Variants in INSL5 observed in about 807,000 individuals in gnomAD.
INSL5 encodes the protein insulin-like peptide INSL5.
A neutral mutation model predicts 4.3 loss-of-function variants in INSL5; 3 were observed. The ratio of observed to expected loss-of-function variants is 0.70; its 90% confidence interval spans 0.32 to 1.82. The LOEUF is 1.82. Ranked by LOEUF, INSL5 falls within the 40% of genes most tolerant of loss-of-function variation. The pLI is 0.08. For synonymous variants in INSL5, 68 were observed against 56.6 expected (o/e 1.20, Z -0.90); for missense variants, 168 against 160.9 (o/e 1.04, Z -0.24).
rs372387127 is a variant in INSL5, at chr1:66,798,004, G to A, written c.*9C>T. ...AAGCTCTGCCACCCATTGGGTATTTGCTCTTGTCTTAGCAAAGAGCACTCA... is the reference window on the plus strand; with the variant it reads ...AAGCTCTGCCACCCATTGGGTATTTACTCTTGTCTTAGCAAAGAGCACTCA... On this transcript the variant is annotated 3_prime_UTR_variant, in exon 2 of 2. Transcript: ENST00000304526. The A allele has an allele frequency of 3.8e-6, 6 of 1,586,842 alleles. No homozygotes were observed. Among genetic ancestry groups the A allele is most frequent in the African/African-American group, 1.3e-5 (1 of 74,360 alleles).
chr1:66,800,785 G>A (rs1645370296), intron 1 of INSL5, among the ~76,000 whole-genome samples: 1 of 152,154 alleles, frequency 6.6e-6, no homozygotes, highest in East Asian at 1.9e-4. Flanking sequence ...CAGATGCTGA[G>A]CCCATTGAAG....
intron 1 of INSL5, among the ~76,000 whole-genome samples, chr1:66,800,749 C>T (rs889608448): frequency 6.6e-6 from 1 of 152,122 alleles, no homozygotes; most frequent in African/African-American, 2.4e-5. Flanking sequence ...TCACATGCTT[C>T]GCCATAGCCT....
intron 1 of INSL5, among the ~76,000 whole-genome samples, chr1:66,799,885 C>T (rs980051855): frequency 6.6e-6 from 1 of 152,048 alleles, no homozygotes; most frequent in African/African-American, 2.4e-5. Context: ...CCCACCTCTA[C>T]AAAATATTTA....
In INSL5 at chr1:66,801,192, T is replaced by C. The variant is rs1276618160; in HGVS notation, c.30A>G (p.Leu10=). The C allele has an allele frequency of 1.2e-6, 2 of 1,613,438 alleles. No homozygotes were observed. Among genetic ancestry groups the C allele is most frequent in the East Asian group, 2.2e-5 (1 of 44,868 alleles). Residue 10 remains leucine, a synonymous_variant, in exon 1 of 2, where the codon TTA becomes TTG. Coordinates refer to ENST00000304526, the MANE Select transcript of INSL5 (RefSeq NM_005478.6). ...CTGAGATGGCAAATAGGACAGAGAA[T>C]AAAAACAGAGTGAAAATGGAGCCCT... MKGSIFTLF[L]FSVLFAISEV...
chr1:66,797,811 G>T lies in INSL5; in HGVS notation c.*202C>A, dbSNP rs966113897. 4.4e-5 allele frequency: 22 copies of T among 495,424 alleles called. No homozygotes were observed. The highest frequency in any genetic ancestry group is 6.8e-5 in the Non-Finnish European group (19 of 280,094). The allele number at this position is 495,424 out of a possible 1,614,324, so 30.7% of individuals were successfully genotyped here. A position where few individuals can be genotyped will look rare whatever the true frequency, so the allele number is the denominator to read the frequency against. On this transcript the variant is annotated 3_prime_UTR_variant, in exon 2 of 2. Transcript: ENST00000304526. ...TCAAAGCATTAGTAGAATTTGAAAAGAACAGTTCATTAACCTTGGCAAAGG... is the reference window on the plus strand; with the variant it reads ...TCAAAGCATTAGTAGAATTTGAAAATAACAGTTCATTAACCTTGGCAAAGG...
intron 1 of INSL5, among the ~76,000 whole-genome samples, chr1:66,798,895 G>C (rs775655261): frequency 6.6e-6 from 1 of 152,162 alleles, no homozygotes; most frequent in Non-Finnish European, 1.5e-5. Flanking sequence ...ATAATAAGTA[G>C]TATGATTTCA....
rs751653318 is a variant in INSL5 at position 66,801,218 on chromosome 1, T to C, written c.4A>G (p.Lys2Glu). The C allele has an allele frequency of 2.5e-6, 4 of 1,610,306 alleles. No individual in the cohort carries two copies. Among genetic ancestry groups the C allele is most frequent in the Non-Finnish European group, 3.4e-6 (4 of 1,177,332 alleles). The change falls in exon 1 of 2, where the codon AAG becomes GAG. Residue 2 changes from lysine to glutamate, a missense_variant. By Grantham distance (56) the Lys-to-Glu change is moderately conservative. Transcript: ENST00000304526. ...AAAAACAGAGTGAAAATGGAGCCCT[T>C]CATTTTGCTGAGGACTGAATGTGAA... M[K>E]GSIFTLFLFS...
rs759685301 is a variant in INSL5, at chr1:66,798,258, G to GAA, written c.176-15_176-14dup. 11 of 1,588,132 alleles carry GAA rather than the reference G, an allele frequency of 6.9e-6. No individual in the cohort carries two copies. In the East Asian group the frequency reaches 2.5e-4, roughly 35 times the overall value. On this transcript the variant is annotated splice_polypyrimidine_tract_variant and intron_variant, in intron 1 of 1. Coordinates refer to ENST00000304526, the MANE Select transcript of INSL5 (RefSeq NM_005478.6). ...TTTCCTGTCTCAGCTGTATGGAAGA[G>GAA]AAAAAAATAATACATCCTTAGACAG... is the stretch of plus-strand genomic sequence containing the variant.
At position 66,798,083 on chromosome 1, in the gene INSL5, G is replaced by GACATC. The variant is rs1557881601; in HGVS notation, c.333_337dup (p.Ser113Ter). The GACATC allele has an allele frequency of 6.2e-7, 1 of 1,613,980 alleles. No individual in the cohort carries two copies. Among genetic ancestry groups the GACATC allele is most frequent in the African/African-American group, 1.3e-5 (1 of 74,914 alleles). ...ACACAAAGTTTGTAAATCTTGTCTT[G>GACATC]ACATCACTGAATGCTTCTTTGACTT... On this transcript the variant is annotated stop_gained and frameshift_variant, in exon 2 of 2. Transcript: ENST00000304526. LOFTEE classifies it low-confidence loss of function (END_TRUNC).
chr1:66,797,994 T>C lies in INSL5; in HGVS notation c.*19A>G, dbSNP rs375558397. On this transcript the variant is annotated 3_prime_UTR_variant, in exon 2 of 2. Transcript: ENST00000304526. ...ACATGTGATAAAGCTCTGCCACCCA[T>C]TGGGTATTTGCTCTTGTCTTAGCAA... 3.9e-5 allele frequency: 59 copies of C among 1,506,218 alleles called. No individual in the cohort carries two copies. The highest frequency in any genetic ancestry group is 5.5e-5 in the Non-Finnish European group (59 of 1,082,242). 93.3% of individuals were successfully genotyped at this position (1,506,218 alleles called of 1,614,324 possible).
intron 1 of INSL5, among the ~76,000 whole-genome samples, chr1:66,800,446 G>C (rs1645367973): frequency 6.6e-6 from 1 of 151,896 alleles, no homozygotes; most frequent in Non-Finnish European, 1.5e-5. Context: ...AAAGACCTTG[G>C]CTCTTGAAGC....
intron 1 of INSL5, among the ~76,000 whole-genome samples, chr1:66,800,449 C>T (rs898931522): frequency 6.6e-6 from 1 of 152,090 alleles, no homozygotes; most frequent in Middle Eastern, 3.2e-3. Flanking sequence ...GACCTTGGCT[C>T]TTGAAGCCAG....
Position 66,798,180 on chromosome 1 carries a change from T to C in INSL5, c.241A>G (p.Asn81Asp). 1.9e-6 allele frequency: 3 copies of C among 1,614,078 alleles called. No homozygotes were observed. In the South Asian group the frequency reaches 3.3e-5, roughly 18 times the overall value. Reference protein sequence around the residue: ...REFSEENPAQNLPKVDASGED... With the variant: ...REFSEENPAQDLPKVDASGED... ...CCTGAGGCATCCACCTTCGGAAGGT[T>C]TTGCGCTGGATTTTCCTCAGAAAAC... Residue 81 changes from asparagine (N) to aspartate (D), a missense_variant, in exon 2 of 2, where the codon AAC becomes GAC. Physicochemically the swap from Asn to Asp is conservative, Grantham distance 23 (BLOSUM62 1). Coordinates refer to ENST00000304526, the MANE Select transcript of INSL5 (RefSeq NM_005478.6).
Position 66,801,092 on chromosome 1 carries a change from A to C in INSL5, c.130T>G (p.Ser44Ala). Reference protein sequence around the residue: ...IRTVIYICASSRWRRHQEGIP... With the variant: ...IRTVIYICASARWRRHQEGIP... ...CCCTCCTGATGCCTTCTCCACCTGG[A>C]GCTAGCACAGATATAGATGACTGTC... Residue 44 changes from serine (S) to alanine (A), a missense_variant, in exon 1 of 2, where the codon TCC (serine) becomes GCC (alanine). Physicochemically the swap from Ser to Ala is moderately conservative, Grantham distance 99. Transcript: ENST00000304526. The C allele has an allele frequency of 6.2e-7, 1 of 1,613,830 alleles. No homozygotes were observed. The highest frequency in any genetic ancestry group is 8.5e-7 in the Non-Finnish European group (1 of 1,179,712).
rs141211720 is a variant in INSL5, at chr1:66,801,140, G to A, written c.82C>T (p.Leu28Phe). 1.5e-4 allele frequency: 243 copies of A among 1,612,774 alleles called. No individual in the cohort carries two copies. The highest frequency in any genetic ancestry group is 1.9e-4 in the Non-Finnish European group (224 of 1,178,872). ...SEVRSKESVR[L>F]CGLEYIRTVI... is the part of the protein sequence containing the mutation. Reference sequence around the variant, plus strand: ...GTCCGTATGTATTCTAGCCCACAGAGTCTCACAGACTCCTTGCTCCGCACT... The same window carrying A: ...GTCCGTATGTATTCTAGCCCACAGAATCTCACAGACTCCTTGCTCCGCACT... Residue 28 changes from leucine (L) to phenylalanine (F), a missense_variant, in exon 1 of 2, where the codon CTC becomes TTC. By Grantham distance (22) the Leu-to-Phe change is conservative (BLOSUM62 0). Coordinates refer to ENST00000304526, the MANE Select transcript of INSL5 (RefSeq NM_005478.6).
In INSL5 at chr1:66,798,123, T is replaced by C. The variant is rs1370866795; in HGVS notation, c.298A>G (p.Thr100Ala). 1.2e-6 allele frequency: 2 copies of C among 1,614,170 alleles called. No individual in the cohort carries two copies. Among genetic ancestry groups the C allele is most frequent in the East Asian group, 4.5e-5 (2 of 44,888 alleles). The change falls in exon 2 of 2, where the codon ACT becomes GCT. Residue 100 changes from threonine to alanine, a missense_variant. By Grantham distance (58) the Thr-to-Ala change is moderately conservative (BLOSUM62 0). Transcript: ENST00000304526. ...EDRLWGGQMPTEELWKSKKHS... is the reference protein window; with the variant it reads ...EDRLWGGQMPAEELWKSKKHS... Reference sequence around the variant, plus strand: ...TTCTTTGACTTCCAAAGCTCTTCAGTGGGCATCTGTCCACCCCAAAGACGG... The same window carrying C: ...TTCTTTGACTTCCAAAGCTCTTCAGCGGGCATCTGTCCACCCCAAAGACGG...
intron 1 of INSL5, among the ~76,000 whole-genome samples, chr1:66,798,723 T>A (rs771253436): frequency 1.3e-5 from 2 of 152,218 alleles, no homozygotes; most frequent in Non-Finnish European, 2.9e-5. Context: ...AAAGTTCATA[T>A]ATAAGCTTCT....
chr1:66,799,861 C>T (rs1645363547), intron 1 of INSL5, among the ~76,000 whole-genome samples: 1 of 151,952 alleles, frequency 6.6e-6, no homozygotes, highest in South Asian at 2.1e-4. Flanking sequence ...CCAGCCTGGG[C>T]AACATTGCAA....
At chr1:66,800,913 C>T in intron 1 of INSL5, 134 bp downstream of exon 1, 1 of 584,608 alleles carries the variant, frequency 1.7e-6, no homozygotes, top group South Asian at 3.5e-5. Context: ...ATAATTAATC[C>T]CTTAAATTGA....
Sources: allele counts gnomAD v4.1 joint callset (sites outside exome capture counted in the v4.1 genomes callset), GRCh38; gene constraint gnomAD v4.1.1; transcripts MANE v1.5; gene names NCBI Gene and HGNC (gene_info 2026-07-23, HGNC 2026-07-21).